The following KAZN variants were observed in gnomAD, a reference collection of about 807,000 sequenced individuals.
KAZN encodes kazrin, periplakin interacting protein, also known as kazrin.
In KAZN, 40 loss-of-function variants were observed where a neutral mutation model predicts 87.4. That is an observed-to-expected ratio of 0.46 (90% CI 0.36 to 0.60). KAZN has a LOEUF of 0.60. Ranked by LOEUF, KAZN falls within the 20% of genes least tolerant of loss-of-function variation. KAZN has a pLI of 0.00. For synonymous variants in KAZN, 466 were observed against 458.3 expected (o/e 1.02, Z -0.22); for missense variants, 898 against 1,073.9 (o/e 0.84, Z 2.29).
chr1:14,847,814 C>A (rs1648961598), intron 1 of KAZN, among the ~76,000 whole-genome samples: 1 of 152,098 alleles, frequency 6.6e-6, no homozygotes, highest in South Asian at 2.1e-4. Context: ...GACCTCGTCT[C>A]TACAAAATAT....
intron 12 of KAZN, 102 bp downstream of exon 12, chr1:15,103,562 A>G (rs1641172527): frequency 1.3e-6 from 1 of 793,344 alleles, no homozygotes; most frequent in African/African-American, 1.7e-5. Flanking sequence ...ATCAATATGC[A>G]GATCTCATGC....
chr1:14,340,545 A>C (rs1311898615), intron 2 of KAZN, among the ~76,000 whole-genome samples: 3 of 152,190 alleles, frequency 2.0e-5, no homozygotes, highest in Non-Finnish European at 4.4e-5. Context: ...TTCTTCTGTA[A>C]GGAAAAATGT....
intron 2 of KAZN, among the ~76,000 whole-genome samples, chr1:14,452,765 T>C (rs1162093582): frequency 6.6e-6 from 1 of 152,200 alleles, no homozygotes; most frequent in East Asian, 1.9e-4. Flanking sequence ...GAAATTGATA[T>C]GCTACGGTGA....
chr1:14,883,318 A>AGAG (rs1653557416), intron 1 of KAZN, among the ~76,000 whole-genome samples: 10 of 38,592 alleles, frequency 2.6e-4, no homozygotes, highest in Admixed American at 2.2e-3. Flanking sequence ...GAAAGAAAGA[A>AGAG]AGAGAGAGAG....
At chr1:14,952,636 C>A (rs1662633666) in intron 1 of KAZN, among the ~76,000 whole-genome samples, 1 of 139,024 alleles carries the variant, frequency 7.2e-6, no homozygotes. Flanking sequence ...GACGGTCCCT[C>A]CAAGCCTGGA....
intron 1 of KAZN, among the ~76,000 whole-genome samples, chr1:14,054,693 C>T (rs964728139): frequency 4.6e-5 from 7 of 152,122 alleles, no homozygotes; most frequent in African/African-American, 1.7e-4. Flanking sequence ...ATGAATCATT[C>T]GAGGAAGGAG....
At chr1:14,114,133 C>T (rs979306428) in intron 1 of KAZN, among the ~76,000 whole-genome samples, 1 of 152,194 alleles carries the variant, frequency 6.6e-6, no homozygotes, top group Non-Finnish European at 1.5e-5. Flanking sequence ...CCAGCCATGG[C>T]GGTGGCAGAG....
chr1:14,302,763 A>G (rs2100784716), intron 2 of KAZN, among the ~76,000 whole-genome samples: 1 of 152,300 alleles, frequency 6.6e-6, no homozygotes, highest in African/African-American at 2.4e-5. Context: ...GGAAGGTCAT[A>G]TAGGTCATAA....
At chr1:14,034,763 C>A (rs1641476451) in intron 1 of KAZN, among the ~76,000 whole-genome samples, 1 of 152,116 alleles carries the variant, frequency 6.6e-6, no homozygotes, top group Non-Finnish European at 1.5e-5. Context: ...TGCAAAGCAC[C>A]ATCAATCCAA....
intron 1 of KAZN, among the ~76,000 whole-genome samples, chr1:14,881,564 C>T (rs1026367650): frequency 2.0e-5 from 3 of 152,170 alleles, no homozygotes; most frequent in Non-Finnish European, 4.4e-5. Flanking sequence ...TAGGCACTGT[C>T]CTCAGCCCTG....
chr1:14,717,708 C>T (rs1642866799), intron 1 of KAZN, among the ~76,000 whole-genome samples: 1 of 152,178 alleles, frequency 6.6e-6, no homozygotes. Context: ...AAAGTGGAAC[C>T]TGAGGCCCAA....
chr1:14,876,446 C>T (rs1202375216), intron 1 of KAZN, among the ~76,000 whole-genome samples: 1 of 152,188 alleles, frequency 6.6e-6, no homozygotes, highest in African/African-American at 2.4e-5. Context: ...GGAGGACACA[C>T]CTTGAAATTG....
At chr1:14,721,963 G>A (rs1643131590) in intron 1 of KAZN, among the ~76,000 whole-genome samples, 1 of 152,054 alleles carries the variant, frequency 6.6e-6, no homozygotes, top group Admixed American at 6.6e-5. Flanking sequence ...AGACCAGCCT[G>A]GCCAACATGG....
At chr1:14,391,141 G>A (rs1450864510) in intron 2 of KAZN, among the ~76,000 whole-genome samples, 3 of 152,174 alleles carry the variant, frequency 2.0e-5, no homozygotes, top group African/African-American at 7.2e-5. Flanking sequence ...TAATACCCAG[G>A]AATGAGGCCC....
At chr1:14,883,411 G>GAAAGAAAGAAAGAAAGA (rs1653691168) in intron 1 of KAZN, among the ~76,000 whole-genome samples, 1 of 145,856 alleles carries the variant, frequency 6.9e-6, no homozygotes, top group Non-Finnish European at 1.5e-5. Context: ...AAGAAAGAAA[G>GAAAGAAAGAAAGAAAGA]AAAGAAAGAA....
At chr1:14,267,723 T>C (rs558734297) in intron 2 of KAZN, among the ~76,000 whole-genome samples, 38 of 152,246 alleles carry the variant, frequency 2.5e-4, no homozygotes, top group African/African-American at 9.2e-4. Flanking sequence ...ATCCCAGCAC[T>C]TTGAGAGGCT....
chr1:14,865,308 G>A (rs1033257873), intron 1 of KAZN, among the ~76,000 whole-genome samples: 7 of 152,174 alleles, frequency 4.6e-5, no homozygotes, highest in Admixed American at 2.6e-4. Context: ...TAATGAAGAT[G>A]ATAATTAGAA....
At chr1:14,414,316 G>A (rs1664562206) in intron 2 of KAZN, among the ~76,000 whole-genome samples, 1 of 138,142 alleles carries the variant, frequency 7.2e-6, no homozygotes, top group East Asian at 2.3e-4. Context: ...AAGCCAAAGA[G>A]TATTTACTGC....
intron 1 of KAZN, among the ~76,000 whole-genome samples, chr1:14,682,918 C>T (rs1355958147): frequency 6.6e-6 from 1 of 152,192 alleles, no homozygotes; most frequent in Admixed American, 6.5e-5. Context: ...ACTGGTTTCC[C>T]AGGAAGTCTG....
Sources: allele counts gnomAD v4.1 joint callset (sites outside exome capture counted in the v4.1 genomes callset), GRCh38; gene constraint gnomAD v4.1.1; transcripts MANE v1.5; gene names NCBI Gene and HGNC (gene_info 2026-07-23, HGNC 2026-07-21).